Variants in GRK4 observed in about 807,000 individuals in gnomAD.
The protein encoded by GRK4 is G protein-coupled receptor kinase 2-like.
GRK4 carries 73 observed loss-of-function variants against 77.9 expected under a neutral mutation model. The ratio of observed to expected loss-of-function variants is 0.94; its 90% confidence interval spans 0.78 to 1.14. The LOEUF is 1.14. Among genes scored for constraint, GRK4 ranks in the 50% most tolerant of loss-of-function variants. The pLI, the probability that GRK4 is intolerant of heterozygous loss-of-function variation, is 0.00. For missense variants in GRK4, 729 were observed against 700.2 expected (o/e 1.04, Z -0.46); for synonymous variants, 257 against 254.4 (o/e 1.01, Z -0.10).
At chr4:2,986,838 T>C in intron 2 of GRK4, 1 of 350,762 alleles carries the variant, frequency 2.9e-6, no homozygotes, top group Non-Finnish European at 5.7e-6. Context: ...AGAAAGATGA[T>C]GAAGTATTAT....
At chr4:3,000,040 G>T (rs1221391014) in intron 4 of GRK4, among the ~76,000 whole-genome samples, 1 of 152,146 alleles carries the variant, frequency 6.6e-6, no homozygotes, top group Admixed American at 6.5e-5. Context: ...TCCACCAGTG[G>T]TCTTTCCTAT....
At chr4:3,031,130 A>C (rs1444610036) in intron 12 of GRK4, among the ~76,000 whole-genome samples, 2 of 152,076 alleles carry the variant, frequency 1.3e-5, no homozygotes, top group Non-Finnish European at 2.9e-5. Context: ...GCTGGAGCCA[A>C]GTCCTTGCAG....
chr4:2,990,527 G>A (rs1213275581), intron 3 of GRK4, among the ~76,000 whole-genome samples: 2 of 152,106 alleles, frequency 1.3e-5, no homozygotes, highest in African/African-American at 2.4e-5. Context: ...AAAGTGCTAG[G>A]ATTACAGGCA....
At position 2,988,857 on chromosome 4, in the gene GRK4, A is replaced by C; in HGVS notation, c.261+18A>C. On this transcript the variant is annotated intron_variant, in intron 3 of 15. Coordinates refer to ENST00000398052, the MANE Select transcript of GRK4 (RefSeq NM_182982.3). Reference sequence around the variant, plus strand: ...ATGCAGTGGTGAGCAGTTTATCTCCATATTGAGCAACCACCCAATCTTATG... The same window carrying C: ...ATGCAGTGGTGAGCAGTTTATCTCCCTATTGAGCAACCACCCAATCTTATG... 1 of 1,418,348 alleles carries C rather than the reference A, an allele frequency of 7.1e-7. No individual in the cohort carries two copies. The highest frequency in any genetic ancestry group is 1.0e-6 in the Non-Finnish European group (1 of 1,001,714). 87.9% of individuals were successfully genotyped at this position (1,418,348 alleles called of 1,614,324 possible).
At chr4:2,977,740 G>A (rs1407457733) in intron 1 of GRK4, among the ~76,000 whole-genome samples, 2 of 152,088 alleles carry the variant, frequency 1.3e-5, no homozygotes, top group East Asian at 3.9e-4. Context: ...GAGAGAGCAC[G>A]GAGAACCGTG....
intron 15 of GRK4, among the ~76,000 whole-genome samples, chr4:3,039,724 A>G (rs1262361418): frequency 2.0e-5 from 3 of 151,934 alleles, no homozygotes; most frequent in Admixed American, 6.6e-5. Context: ...AAAAGGAAAA[A>G]AAAATAAGCT....
intron 4 of GRK4, among the ~76,000 whole-genome samples, chr4:3,003,139 C>G (rs992285724): frequency 1.3e-5 from 2 of 152,148 alleles, no homozygotes; most frequent in Non-Finnish European, 2.9e-5. Flanking sequence ...TTTGACTACT[C>G]TAGGGACCAT....
In GRK4 at chr4:3,029,083, T is replaced by C. The variant is rs115306061; in HGVS notation, c.1061-118T>C. The C allele has an allele frequency of 2.0e-3, 1,546 of 787,018 alleles. 19 individuals carry two copies. In the African/African-American group the frequency reaches 0.023, roughly 12 times the overall value. The allele number at this position is 787,018 out of a possible 1,614,324, so 48.8% of individuals were successfully genotyped here. On this transcript the variant is annotated intron_variant, in intron 11 of 15. Transcript: ENST00000398052. Reference sequence around the variant, plus strand: ...CACCGCTCCCAGCCTTAACATAATGTTTTTAAGGTTCGTCCATGTTGTCAC... The same window carrying C: ...CACCGCTCCCAGCCTTAACATAATGCTTTTAAGGTTCGTCCATGTTGTCAC...
intron 5 of GRK4, 134 bp from the exon 6 acceptor site, chr4:3,007,602 T>C (rs1731684089): frequency 1.9e-6 from 1 of 526,446 alleles, no homozygotes. Context: ...ACTTCTGTAA[T>C]TGCAAATTCA....
intron 7 of GRK4, among the ~76,000 whole-genome samples, chr4:3,010,037 A>G (rs910606532): frequency 6.6e-6 from 1 of 152,276 alleles, no homozygotes; most frequent in East Asian, 1.9e-4. Context: ...TTCTATTTCC[A>G]TACATTTAAG....
At chr4:3,037,331 T>C in intron 13 of GRK4, 43 bp from the exon 14 acceptor site, 1 of 1,540,376 alleles carries the variant, frequency 6.5e-7, no homozygotes, top group Non-Finnish European at 8.9e-7. Context: ...AGCTGAGAAT[T>C]GCTGTAGTCA....
rs533431963 is a variant in GRK4, at chr4:2,965,679, A to G, written c.52+1557A>G. ...AAACACAGCAAGACCATCTCTTTAA[A>G]AAAGTCTAAAACAAAGACTTCATCT... On this transcript the variant is annotated intron_variant, in intron 1 of 15. Coordinates refer to ENST00000398052, the MANE Select transcript of GRK4 (RefSeq NM_182982.3). 4.7e-5 allele frequency: 26 copies of G among 555,864 alleles called. No homozygotes were observed. The Admixed American group carries it at 7.8e-4, about 17-fold the overall frequency. 34.4% of individuals were successfully genotyped at this position (555,864 alleles called of 1,614,324 possible). A position where few individuals can be genotyped will look rare whatever the true frequency, so the allele number is the denominator to read the frequency against.
At chr4:3,005,726 C>G (rs1191211407) in intron 5 of GRK4, among the ~76,000 whole-genome samples, 1 of 151,952 alleles carries the variant, frequency 6.6e-6, no homozygotes, top group African/African-American at 2.4e-5. Flanking sequence ...ATCACTTGAA[C>G]CTGGGAGGTG....
intron 10 of GRK4, among the ~76,000 whole-genome samples, 165 bp downstream of exon 10, chr4:3,022,616 A>G (rs1736403157): frequency 6.6e-6 from 1 of 152,226 alleles, no homozygotes; most frequent in Non-Finnish European, 1.5e-5. Context: ...TGAAATACTG[A>G]CAATTTGGTC....
At chr4:2,965,199 T>A in intron 1 of GRK4, 1 of 689,028 alleles carries the variant, frequency 1.5e-6, no homozygotes, top group South Asian at 1.5e-5. Flanking sequence ...GTGCGTACCT[T>A]AACATAAATA....
intron 12 of GRK4, among the ~76,000 whole-genome samples, chr4:3,031,978 T>A (rs761577315): frequency 6.6e-6 from 1 of 152,080 alleles, no homozygotes; most frequent in Non-Finnish European, 1.5e-5. Context: ...AAGCCATGGG[T>A]GCTACAGGCT....
At position 2,988,579 on chromosome 4, in the gene GRK4, C is replaced by CA. The variant is rs3034898; in HGVS notation, c.149-146dup. ...GAGGAGGGAGACTGTCTGAAACAAA[C>CA]AACAACAACAACAACAAGATGAAAA... On this transcript the variant is annotated intron_variant, in intron 2 of 15. Transcript: ENST00000398052. 1.5e-3 allele frequency: 671 copies of CA among 438,098 alleles called. 4 individuals carry two copies. Among genetic ancestry groups the CA allele is most frequent in the African/African-American group, 0.014 (586 of 40,520 alleles). 27.1% of individuals were successfully genotyped at this position (438,098 alleles called of 1,614,324 possible).
chr4:3,026,390 GA>G (rs1177528071), intron 10 of GRK4, among the ~76,000 whole-genome samples: 2 of 151,886 alleles, frequency 1.3e-5, no homozygotes, highest in East Asian at 1.9e-4. Context: ...ACAATGATAC[GA>G]AAAAAATAAG....
rs747974233 is a variant in GRK4 at position 3,035,530 on chromosome 4, G to T, written c.1407+7G>T. Reference sequence around the variant, plus strand: ...GCCCCCTTTCTGTCCTGATGTAAGTGCATTGCCAGGACGAGCAGGGCCCTA... The same window carrying T: ...GCCCCCTTTCTGTCCTGATGTAAGTTCATTGCCAGGACGAGCAGGGCCCTA... On this transcript the variant is annotated splice_region_variant and intron_variant, in intron 13 of 15. Transcript: ENST00000398052. The T allele has an allele frequency of 1.2e-6, 2 of 1,609,656 alleles. No homozygotes were observed. Among genetic ancestry groups the T allele is most frequent in the Non-Finnish European group, 1.7e-6 (2 of 1,177,928 alleles).
Sources: gnomAD v4.1 joint callset for allele counts (sites outside exome capture counted in the v4.1 genomes callset) on GRCh38, gnomAD v4.1.1 for gene constraint, MANE v1.5 for transcripts, NCBI Gene and HGNC (gene_info 2026-07-23, HGNC 2026-07-21) for gene names.